Variants in ETFA observed in about 807,000 individuals in gnomAD.
ETFA encodes the protein electron transfer flavoprotein subunit alpha, also known as electron transfer flavoprotein subunit alpha, mitochondrial.
Under a neutral mutation model 46.2 loss-of-function variants are expected in ETFA, and 22 were observed. That is an observed-to-expected ratio of 0.48 (90% CI 0.34 to 0.68). The LOEUF is 0.68. ETFA is among the 30% of genes least tolerant of loss of function. The probability of loss-of-function intolerance (pLI) is 0.01; values close to 1 mark genes in which losing one functional copy is unlikely to be tolerated. For synonymous variants in ETFA, 131 were observed against 139.9 expected (o/e 0.94, Z 0.45); for missense variants, 345 against 401.1 (o/e 0.86, Z 1.19).
intron 1 of ETFA, 45 bp from the exon 2 acceptor site, chr15:76,295,782 CA>C (rs1567219437): frequency 7.2e-6 from 10 of 1,391,050 alleles, no homozygotes; most frequent in South Asian, 5.1e-5. Context: ...AATGTTGTCA[CA>C]GGGTTTTTTT....
intron 9 of ETFA, among the ~76,000 whole-genome samples, chr15:76,272,170 A>T (rs1402985322): frequency 2.0e-5 from 3 of 151,682 alleles, no homozygotes; most frequent in Admixed American, 6.6e-5. Context: ...ACTCTCTGTC[A>T]GTCAAAATAA....
At chr15:76,302,834 TAA>T (rs1218888046) in intron 1 of ETFA, among the ~76,000 whole-genome samples, 1 of 152,194 alleles carries the variant, frequency 6.6e-6, no homozygotes, top group Non-Finnish European at 1.5e-5. Context: ...CTCTAAAACA[TAA>T]AGTCTATTTT....
At chr15:76,236,581 A>G (rs113047873) in intron 9 of ETFA, among the ~76,000 whole-genome samples, 71 of 152,342 alleles carry the variant, frequency 4.7e-4, no homozygotes, top group African/African-American at 1.6e-3. Context: ...TTGGCTCAGA[A>G]CAAGACCATT....
In ETFA at chr15:76,295,598, C is replaced by T. The variant is rs1282015660; in HGVS notation, c.179G>A (p.Cys60Tyr). 32 of 1,613,616 alleles carry T rather than the reference C, an allele frequency of 2.0e-5. No homozygotes were observed. Among genetic ancestry groups the T allele is most frequent in the Non-Finnish European group, 2.7e-5 (32 of 1,179,744 alleles). Reference protein sequence around the residue: ...EVSCLVAGTKCDKVAQDLCKV... With the variant: ...EVSCLVAGTKYDKVAQDLCKV... ...ACCTTAAAAATTTCTCACCTTGTCA[C>T]ATTTGGTTCCAGCTACTAAGCAGGA... The change falls in exon 2 of 12, where the codon TGT becomes TAT. Residue 60 changes from cysteine (C) to tyrosine (Y), a missense_variant. Physicochemically the swap from Cys to Tyr is radical, Grantham distance 194. Transcript: ENST00000557943.
At position 76,277,382 on chromosome 15, in the gene ETFA, C is replaced by A. The variant is rs539767663; in HGVS notation, c.734-2888G>T. ...ATGGTTCCCTTTCCCGTCCCCTTGT[C>A]GGAAGCATGAGGTGATTTTTCTCTA... is the stretch of plus-strand genomic sequence containing the variant. On this transcript the variant is annotated intron_variant, in intron 8 of 11. Transcript: ENST00000557943. Among the ~76,000 whole-genome samples the A allele has an allele frequency of 5.4e-4, 82 of 152,200 alleles. 2 individuals are homozygous for A. In the South Asian group the frequency reaches 0.012, roughly 23 times the overall value.
At chr15:76,273,441 A>G (rs568683311) in intron 9 of ETFA, among the ~76,000 whole-genome samples, 4 of 152,246 alleles carry the variant, frequency 2.6e-5, no homozygotes, top group African/African-American at 9.6e-5. Context: ...CTGTAATCCC[A>G]GCCACTTGGG....
intron 9 of ETFA, chr15:76,259,536 G>T: frequency 4.1e-6 from 4 of 970,474 alleles, no homozygotes; most frequent in Non-Finnish European, 5.0e-6. Flanking sequence ...CTGCCCACGT[G>T]TCATGATCTC....
At chr15:76,264,676 G>A (rs2039452276) in intron 9 of ETFA, among the ~76,000 whole-genome samples, 1 of 152,194 alleles carries the variant, frequency 6.6e-6, no homozygotes, top group Non-Finnish European at 1.5e-5. Flanking sequence ...CACCTGAGAG[G>A]GAAGGCTCAT....
chr15:76,225,490 T>C (rs1015910324), intron 11 of ETFA, among the ~76,000 whole-genome samples: 2 of 151,966 alleles, frequency 1.3e-5, no homozygotes, highest in East Asian at 1.9e-4. Flanking sequence ...GGGGTTTCAC[T>C]GTGTTAGCCA....
At chr15:76,244,775 T>C (rs1017060802) in intron 9 of ETFA, among the ~76,000 whole-genome samples, 7 of 152,232 alleles carry the variant, frequency 4.6e-5, no homozygotes, top group Non-Finnish European at 7.3e-5. Flanking sequence ...TCTACTCTTA[T>C]TGATTTTCAT....
At chr15:76,266,518 A>G (rs1038336482) in intron 9 of ETFA, among the ~76,000 whole-genome samples, 1 of 152,256 alleles carries the variant, frequency 6.6e-6, no homozygotes, top group African/African-American at 2.4e-5. Context: ...TAAATGCGGC[A>G]GGGTTAATTA....
intron 9 of ETFA, among the ~76,000 whole-genome samples, chr15:76,267,267 G>A (rs1253929368): frequency 6.6e-6 from 1 of 152,104 alleles, no homozygotes; most frequent in African/African-American, 2.4e-5. Context: ...CAACCAAAAC[G>A]CTCACTCTGT....
chr15:76,258,316 C>T (rs1052327186), intron 9 of ETFA, among the ~76,000 whole-genome samples: 2 of 152,090 alleles, frequency 1.3e-5, no homozygotes, highest in African/African-American at 2.4e-5. Context: ...TGGCTCAGCA[C>T]GCTGCCTTTG....
chr15:76,278,800 A>AC (rs2039621262), intron 8 of ETFA, among the ~76,000 whole-genome samples: 1 of 152,136 alleles, frequency 6.6e-6, no homozygotes, highest in African/African-American at 2.4e-5. Context: ...TAACACATCT[A>AC]CCCACCACCT....
intron 2 of ETFA, among the ~76,000 whole-genome samples, 166 bp downstream of exon 2, chr15:76,295,425 C>T (rs925833204): frequency 3.3e-5 from 5 of 152,126 alleles, no homozygotes; most frequent in Non-Finnish European, 5.9e-5. Context: ...AGGGAAGAAA[C>T]CTTTTAGTTC....
intron 9 of ETFA, among the ~76,000 whole-genome samples, chr15:76,250,217 G>T (rs1353866313): frequency 1.2e-5 from 1 of 80,028 alleles, no homozygotes; most frequent in Non-Finnish European, 3.1e-5. Context: ...AATGTAAGAT[G>T]GATTGAAAAA....
intron 4 of ETFA, among the ~76,000 whole-genome samples, chr15:76,288,903 T>C (rs2039727816): frequency 1.8e-5 from 1 of 55,736 alleles, no homozygotes; most frequent in African/African-American, 5.7e-5. Flanking sequence ...TCTCAGTTAA[T>C]TCTTCTTCTT....
chr15:76,274,535 T>TA, intron 8 of ETFA, 41 bp from the exon 9 acceptor site: 1 of 1,487,242 alleles, frequency 6.7e-7, no homozygotes, highest in Non-Finnish European at 9.3e-7. Context: ...CAAGCTCTAT[T>TA]ATTCAGCTAG....
intron 9 of ETFA, among the ~76,000 whole-genome samples, chr15:76,252,929 G>T (rs968026086): frequency 7.1e-6 from 1 of 141,814 alleles, no homozygotes. Context: ...AAGAGATGGG[G>T]TCTTGCTGCA....
Sources: allele counts gnomAD v4.1 joint callset (sites outside exome capture counted in the v4.1 genomes callset), GRCh38; gene constraint gnomAD v4.1.1; transcripts MANE v1.5; gene names NCBI Gene and HGNC (gene_info 2026-07-23, HGNC 2026-07-21).